Variants in STARD13 observed in about 807,000 individuals in gnomAD.
STARD13 encodes StAR related lipid transfer domain containing 13, also known as stAR-related lipid transfer protein 13.
Under a neutral mutation model 106.4 loss-of-function variants are expected in STARD13, and 62 were observed. That is an observed-to-expected ratio of 0.58 (90% CI 0.48 to 0.72). STARD13 has a LOEUF of 0.72. STARD13 is among the 30% of genes least tolerant of loss of function. The probability of loss-of-function intolerance (pLI) is 0.00; values close to 1 mark genes in which losing one functional copy is unlikely to be tolerated. For synonymous variants in STARD13, 565 were observed against 553.0 expected, an observed-to-expected ratio of 1.02 and a Z score of -0.31; for missense variants, 1,387 against 1,424.0, an observed-to-expected ratio of 0.97 and a Z score of 0.42.
intron 1 of STARD13, among the ~76,000 whole-genome samples, chr13:33,296,386 T>C (rs1205156585): frequency 2.6e-5 from 4 of 152,150 alleles, no homozygotes; most frequent in Admixed American, 2.0e-4. Flanking sequence ...GTCAATTAAA[T>C]ATTTTAAAAT....
chr13:33,268,586 T>A (rs1438310976), intron 1 of STARD13, among the ~76,000 whole-genome samples: 2 of 152,208 alleles, frequency 1.3e-5, no homozygotes, highest in Non-Finnish European at 2.9e-5. Context: ...AATAGGCTTA[T>A]AGAGTTCCTG....
chr13:33,112,928 A>G lies in STARD13; in HGVS notation c.2285T>C (p.Val762Ala), dbSNP rs1012000882. 1 of 1,599,188 alleles carries G rather than the reference A, an allele frequency of 6.3e-7. No homozygotes were observed. Among genetic ancestry groups the G allele is most frequent in the East Asian group, 2.2e-5 (1 of 44,708 alleles). ...SETFLHIYQY[V>A]SKEQRLQAVQ... The stretch of plus-strand genomic sequence containing the variant: ...GGCCTGCAGCCGCTGCTCTTTGGAG[A>G]CATCTGAGGAAAAGTGGATGCCAGG... The change falls in exon 9 of 14, where the codon GTC becomes GCC. Residue 762 changes from valine (V) to alanine (A), a missense_variant. Physicochemically the swap from Val to Ala is moderately conservative, Grantham distance 64 (BLOSUM62 0). Coordinates refer to ENST00000336934, the MANE Select transcript of STARD13 (RefSeq NM_178006.4).
the STARD13 span, among the ~76,000 whole-genome samples, chr13:33,511,616 CA>C: frequency 3.5e-3 from 537 of 152,076 alleles, 2 homozygotes; most frequent in African/African-American, 0.013. Flanking sequence ...ACCACTAAAG[CA>C]AATTAAAAAC....
At chr13:33,205,785 C>T (rs879051409) in intron 1 of STARD13, 2 of 925,354 alleles carry the variant, frequency 2.2e-6, no homozygotes, top group Admixed American at 1.2e-4. Flanking sequence ...TTTCCCACCA[C>T]CACGACCTCT....
chr13:33,359,218 A>G, the STARD13 span, among the ~76,000 whole-genome samples: 5 of 152,126 alleles, frequency 3.3e-5, no homozygotes, highest in Non-Finnish European at 7.3e-5. Flanking sequence ...ATGAGCTGCT[A>G]TGAGCTGTAA....
At chr13:33,465,368 G>A in the STARD13 span, among the ~76,000 whole-genome samples, 1 of 151,872 alleles carries the variant, frequency 6.6e-6, no homozygotes, top group Non-Finnish European at 1.5e-5. Context: ...ACCACGCCCG[G>A]CTAATTGTTT....
At chr13:33,669,655 C>T in the STARD13 span, among the ~76,000 whole-genome samples, 1 of 151,468 alleles carries the variant, frequency 6.6e-6, no homozygotes, top group Non-Finnish European at 1.5e-5. Context: ...CCTGCCTCAG[C>T]CTCCCGAGTA....
At chr13:33,165,240 T>A in intron 3 of STARD13, 97 bp downstream of exon 3, 1 of 910,900 alleles carries the variant, frequency 1.1e-6, no homozygotes, top group East Asian at 2.4e-5. Flanking sequence ...AGGCACTCAG[T>A]GAATACTTGC....
At chr13:33,293,754 G>T (rs748262748) in intron 1 of STARD13, among the ~76,000 whole-genome samples, 1 of 152,136 alleles carries the variant, frequency 6.6e-6, no homozygotes, top group Non-Finnish European at 1.5e-5. Flanking sequence ...AAAGGAAAAG[G>T]CGAGACTGGC....
chr13:33,198,396 T>A (rs1886790838), intron 1 of STARD13, among the ~76,000 whole-genome samples: 1 of 151,950 alleles, frequency 6.6e-6, no homozygotes, highest in South Asian at 2.1e-4. Context: ...GCCCTATCTG[T>A]CTCCTCTGCT....
At chr13:33,390,637 A>G in the STARD13 span, among the ~76,000 whole-genome samples, 2 of 152,176 alleles carry the variant, frequency 1.3e-5, no homozygotes, top group South Asian at 4.1e-4. Flanking sequence ...TTGTGTCAGG[A>G]ATGCTATGGT....
the STARD13 span, among the ~76,000 whole-genome samples, chr13:33,541,687 CCCTGGACTG>C: frequency 0.035 from 5,349 of 152,248 alleles, 321 homozygotes; most frequent in African/African-American, 0.12. Context: ...TTTATATAGG[CCCTGGACTG>C]CAAAGAGCTT....
At chr13:33,537,191 TG>T in the STARD13 span, among the ~76,000 whole-genome samples, 1 of 152,208 alleles carries the variant, frequency 6.6e-6, no homozygotes, top group Admixed American at 6.5e-5. Flanking sequence ...GAAAGGTTAT[TG>T]TTTCATTGGT....
chr13:33,667,829 C>T, the STARD13 span, among the ~76,000 whole-genome samples: 4 of 152,212 alleles, frequency 2.6e-5, no homozygotes, highest in Admixed American at 6.5e-5. Context: ...AAAGCTGCCT[C>T]CTTACATATC....
chr13:33,628,811 C>A, the STARD13 span, among the ~76,000 whole-genome samples: 1 of 152,326 alleles, frequency 6.6e-6, no homozygotes, highest in East Asian at 1.9e-4. Flanking sequence ...GATCAGTCTC[C>A]TACTGCCTTT....
chr13:33,109,792 G>C, intron 12 of STARD13, 81 bp downstream of exon 12: 1 of 1,345,262 alleles, frequency 7.4e-7, no homozygotes, highest in African/African-American at 1.4e-5. Flanking sequence ...TTTGGTGGGA[G>C]ACACCAGGAG....
the STARD13 span, among the ~76,000 whole-genome samples, chr13:33,625,118 C>G: frequency 6.6e-6 from 1 of 152,150 alleles, no homozygotes; most frequent in Admixed American, 6.5e-5. Flanking sequence ...CAAGTCAGAG[C>G]AAGCCTAGGC....
At chr13:33,163,611 T>TATATATATATAAAACATATATATATAAA (rs1555239825) in intron 3 of STARD13, among the ~76,000 whole-genome samples, 2 of 85,002 alleles carry the variant, frequency 2.4e-5, no homozygotes, top group Non-Finnish European at 5.3e-5. Flanking sequence ...AAAAAATATA[T>TATATATATATAAAACATATATATATAAA]ATATATATAT....
At chr13:33,577,062 A>G in the STARD13 span, among the ~76,000 whole-genome samples, 1 of 152,222 alleles carries the variant, frequency 6.6e-6, no homozygotes, top group Non-Finnish European at 1.5e-5. Flanking sequence ...TTTTAAAAAC[A>G]TTTTTATCAT....
Sources: gnomAD v4.1 joint callset for allele counts (sites outside exome capture counted in the v4.1 genomes callset) on GRCh38, gnomAD v4.1.1 for gene constraint, MANE v1.5 for transcripts, NCBI Gene and HGNC (gene_info 2026-07-23, HGNC 2026-07-21) for gene names.